The following PARD3B variants were observed in gnomAD, a reference collection of about 807,000 sequenced individuals.
PARD3B encodes partitioning defective 3 homolog B.
Under a neutral mutation model 130.2 loss-of-function variants are expected in PARD3B, and 103 were observed. That is an observed-to-expected ratio of 0.79 (90% confidence interval 0.67 to 0.93). PARD3B has a LOEUF of 0.93. Ranked by LOEUF, PARD3B falls within the 40% of genes least tolerant of loss-of-function variation. The pLI, the probability that PARD3B is intolerant of heterozygous loss-of-function variation, is 0.00. For missense variants in PARD3B, 1,609 were observed against 1,499.2 expected (o/e 1.07, Z -1.21); for synonymous variants, 583 against 553.2 (o/e 1.05, Z -0.76).
In PARD3B at chr2:205,248,828, C is replaced by T. The variant is rs143130960; in HGVS notation, c.2185+3006C>T. On this transcript the variant is annotated intron_variant, in intron 16 of 22. Transcript: ENST00000406610. The stretch of plus-strand genomic sequence containing the variant: ...TTCACCATGTTAGCCAGGATGGTTT[C>T]GATCTCCTGACCTTGTGATCCGCCC... Among the ~76,000 whole-genome samples, 513 of 151,556 alleles carry T rather than the reference C, an allele frequency of 3.4e-3. 3 individuals carry two copies. The highest frequency in any genetic ancestry group is 0.012 in the African/African-American group (487 of 41,400).
At chr2:204,635,812 T>G (rs2034854929) in intron 1 of PARD3B, among the ~76,000 whole-genome samples, 1 of 152,246 alleles carries the variant, frequency 6.6e-6, no homozygotes, top group African/African-American at 2.4e-5. Flanking sequence ...GAAAATGCTT[T>G]GTAAATTATT....
intron 15 of PARD3B, among the ~76,000 whole-genome samples, chr2:205,217,893 T>C (rs2038028169): frequency 3.4e-5 from 1 of 29,006 alleles, no homozygotes; most frequent in Non-Finnish European, 6.4e-5. Flanking sequence ...TATATATATA[T>C]ATTTTTTTTT....
intron 21 of PARD3B, among the ~76,000 whole-genome samples, chr2:205,544,003 T>A (rs559936636): frequency 2.0e-5 from 3 of 152,238 alleles, no homozygotes; most frequent in Admixed American, 1.3e-4. Context: ...ATTGAACATA[T>A]TTTGAGGGTT....
chr2:205,222,131 C>A (rs955478194), intron 15 of PARD3B, among the ~76,000 whole-genome samples: 3 of 151,100 alleles, frequency 2.0e-5, no homozygotes, highest in Non-Finnish European at 4.4e-5. Flanking sequence ...CAGTAATTTT[C>A]TCATGAAAAA....
rs927964555 is a variant in PARD3B at position 205,160,422 on chromosome 2, C to T, written c.1620+1515C>T. Among the ~76,000 whole-genome samples, 4 of 152,148 alleles carry T rather than the reference C, an allele frequency of 2.6e-5. No homozygotes were observed. The highest frequency in any genetic ancestry group is 2.1e-4 in the South Asian group (1 of 4,836). ...ATGCCTCGAGCTGTCAGAGGGCCAGCGGCAGTGGGTGAATCCGCGGGCTCC... is the reference window on the plus strand; with the variant it reads ...ATGCCTCGAGCTGTCAGAGGGCCAGTGGCAGTGGGTGAATCCGCGGGCTCC... On this transcript the variant is annotated intron_variant, in intron 11 of 22. Transcript: ENST00000406610. This position sits in a 1 kb window ranked among gnomAD's most constrained non-coding sequence, Gnocchi z 4.0.
chr2:205,380,279 T>A (rs372946196), intron 18 of PARD3B, among the ~76,000 whole-genome samples: 24 of 21,662 alleles, frequency 1.1e-3, no homozygotes, highest in East Asian at 1.6e-3. Context: ...TATTATATAA[T>A]ATATAAAGAA....
intron 18 of PARD3B, among the ~76,000 whole-genome samples, chr2:205,393,874 A>G (rs2045938981): frequency 6.6e-6 from 1 of 152,174 alleles, no homozygotes; most frequent in Non-Finnish European, 1.5e-5. Context: ...GGAGTCTAGG[A>G]GGAATTTGAA....
At chr2:204,809,543 G>A (rs1490860856) in intron 2 of PARD3B, among the ~76,000 whole-genome samples, 2 of 150,350 alleles carry the variant, frequency 1.3e-5, no homozygotes, top group African/African-American at 4.9e-5. Flanking sequence ...CAAAGAACAG[G>A]TGGTCATAGA....
At chr2:205,601,828 A>G (rs1163846664) in intron 22 of PARD3B, among the ~76,000 whole-genome samples, 8 of 145,620 alleles carry the variant, frequency 5.5e-5, no homozygotes, top group Non-Finnish European at 1.0e-4. Context: ...GCAAACAGAG[A>G]CAGTCTGACT....
chr2:205,232,914 A>G (rs546783717), intron 15 of PARD3B, among the ~76,000 whole-genome samples: 33 of 152,344 alleles, frequency 2.2e-4, no homozygotes, highest in Non-Finnish European at 1.6e-4. Context: ...TTTCAGATAC[A>G]TGTAATTGGA....
chr2:205,107,817 T>C (rs1290103882), intron 5 of PARD3B, among the ~76,000 whole-genome samples: 7 of 152,226 alleles, frequency 4.6e-5, no homozygotes, highest in African/African-American at 1.2e-4. Context: ...TCAACTTATT[T>C]TGATCTTAAA....
rs1209519614 is a variant in PARD3B at position 205,265,611 on chromosome 2, G to T, written c.2185+19789G>T. 1.3e-5 allele frequency among the ~76,000 whole-genome samples: 2 copies of T among 151,712 alleles called. No individual in the cohort carries two copies. The highest frequency in any genetic ancestry group is 2.9e-5 in the Non-Finnish European group (2 of 67,862). On this transcript the variant is annotated intron_variant, in intron 16 of 22. Transcript: ENST00000406610. This position sits in a 1 kb window ranked among gnomAD's most constrained non-coding sequence, Gnocchi z 4.3. ...ATGTTCAGTGTAATATAATTATTTT[G>T]ATGTCACTTTTCATTGTTTTATTCA...
intron 19 of PARD3B, 105 bp downstream of exon 19, chr2:205,401,228 G>A: frequency 1.2e-6 from 1 of 862,656 alleles, no homozygotes; most frequent in Non-Finnish European, 1.8e-6. Flanking sequence ...AGAAGTATAG[G>A]GGTTGACCGA....
At chr2:205,014,735 G>T (rs1394038102) in intron 3 of PARD3B, among the ~76,000 whole-genome samples, 3 of 152,118 alleles carry the variant, frequency 2.0e-5, no homozygotes, top group East Asian at 3.9e-4. Context: ...GTCTAGGAGA[G>T]GTAGAATTGA....
At chr2:204,583,343 GA>G (rs1219070915) in intron 1 of PARD3B, among the ~76,000 whole-genome samples, 1 of 104,064 alleles carries the variant, frequency 9.6e-6, no homozygotes, top group African/African-American at 3.7e-5. Context: ...GATGAAATTG[GA>G]AACCATCATT....
intron 21 of PARD3B, among the ~76,000 whole-genome samples, chr2:205,547,724 C>G (rs1424554217): frequency 1.3e-5 from 2 of 152,172 alleles, no homozygotes; most frequent in Non-Finnish European, 2.9e-5. Context: ...AGCAATGTTA[C>G]AGCTGCTAAA....
intron 21 of PARD3B, among the ~76,000 whole-genome samples, chr2:205,512,659 A>G (rs940464300): frequency 1.3e-5 from 2 of 152,198 alleles, no homozygotes; most frequent in African/African-American, 4.8e-5. Context: ...TATCATCAAC[A>G]CTTACCTACA....
At chr2:205,045,056 G>A (rs1178780662) in intron 3 of PARD3B, among the ~76,000 whole-genome samples, 1 of 150,630 alleles carries the variant, frequency 6.6e-6, no homozygotes, top group Non-Finnish European at 1.5e-5. Context: ...GTACAGAAAA[G>A]CCGAGAAGAA....
At chr2:204,953,449 A>G (rs13412633) in intron 2 of PARD3B, among the ~76,000 whole-genome samples, 63 of 149,902 alleles carry the variant, frequency 4.2e-4, no homozygotes, top group African/African-American at 1.0e-3. Flanking sequence ...AGAGAGAGAG[A>G]GAGAGAGAGA....
Sources: allele counts gnomAD v4.1 joint callset (sites outside exome capture counted in the v4.1 genomes callset), GRCh38; gene constraint gnomAD v4.1.1; non-coding constraint Gnocchi (gnomAD v3.1); transcripts MANE v1.5; gene names NCBI Gene and HGNC (gene_info 2026-07-23, HGNC 2026-07-21).